Variants in CLDN1 observed in about 807,000 individuals in gnomAD.
The protein encoded by CLDN1 is claudin-1.
Under a neutral mutation model 22.6 loss-of-function variants are expected in CLDN1, and 12 were observed. That is an observed-to-expected ratio of 0.53 (90% CI 0.34 to 0.86). The LOEUF is 0.86. Among genes scored for constraint, CLDN1 ranks in the 40% least tolerant of loss-of-function variants. The pLI is 0.02. For synonymous variants in CLDN1, 99 were observed against 103.8 expected (o/e 0.95, Z 0.28); for missense variants, 250 against 269.5 (o/e 0.93, Z 0.51).
Position 190,306,656 on chromosome 3 carries a change from C to T in CLDN1, c.*1621G>A, listed in dbSNP as rs1040778139. 1 of 152,698 alleles carries T rather than the reference C, an allele frequency of 6.5e-6. No individual in the cohort carries two copies. The highest frequency in any genetic ancestry group is 2.4e-5 in the African/African-American group (1 of 41,442). The allele number at this position is 152,698 out of a possible 1,614,324, so 9.5% of individuals were successfully genotyped here. On this transcript the variant is annotated 3_prime_UTR_variant, in exon 4 of 4. Transcript: ENST00000295522. ...ATAGCACCAAGACTCAAATCCAGGT[C>T]TCCAGACACCAATGCCAACACCCTT...
intron 1 of CLDN1, among the ~76,000 whole-genome samples, chr3:190,316,765 T>G (rs1443911114): frequency 6.6e-6 from 1 of 152,196 alleles, no homozygotes; most frequent in African/African-American, 2.4e-5. Context: ...GAACATGTCT[T>G]TATCCTTTAA....
At position 190,318,321 on chromosome 3, in the gene CLDN1, C is replaced by T. The variant is rs188361465; in HGVS notation, c.223+3663G>A. Among the ~76,000 whole-genome samples the T allele has an allele frequency of 2.3e-3, 348 of 152,294 alleles. 1 individual carries two copies. The highest frequency in any genetic ancestry group is 3.1e-3 in the Non-Finnish European group (208 of 68,022). On this transcript the variant is annotated intron_variant, in intron 1 of 3. Coordinates refer to ENST00000295522, the MANE Select transcript of CLDN1 (RefSeq NM_021101.5). ...CTTCTATATTACCTCCATTATATTTCCTTAATCACTCCAATTAAGGAAACC... is the reference window on the plus strand; with the variant it reads ...CTTCTATATTACCTCCATTATATTTTCTTAATCACTCCAATTAAGGAAACC...
intron 1 of CLDN1, among the ~76,000 whole-genome samples, chr3:190,314,011 A>G (rs1577389593): frequency 6.6e-6 from 1 of 152,206 alleles, no homozygotes; most frequent in East Asian, 1.9e-4. Context: ...TCACTATATC[A>G]TTGACAGTGA....
At chr3:190,310,970 C>CA (rs980829878) in intron 2 of CLDN1, among the ~76,000 whole-genome samples, 1 of 151,972 alleles carries the variant, frequency 6.6e-6, no homozygotes, top group Non-Finnish European at 1.5e-5. Context: ...ATTTTTTTAT[C>CA]AAAAAAGTTA....
At chr3:190,317,807 T>C (rs1209518907) in intron 1 of CLDN1, among the ~76,000 whole-genome samples, 1 of 152,208 alleles carries the variant, frequency 6.6e-6, no homozygotes, top group African/African-American at 2.4e-5. Flanking sequence ...ACTGTATTCT[T>C]GATCGGTATT....
intron 1 of CLDN1, among the ~76,000 whole-genome samples, chr3:190,319,608 A>G (rs1442447850): frequency 1.3e-5 from 2 of 152,240 alleles, no homozygotes; most frequent in African/African-American, 4.8e-5. Flanking sequence ...AAAGCCCTGC[A>G]TCTGGCCGGG....
chr3:190,322,407 A>G lies in CLDN1; in HGVS notation c.-201T>C. 1 of 607,902 alleles carries G rather than the reference A, an allele frequency of 1.6e-6. No individual in the cohort carries two copies. 37.7% of individuals were successfully genotyped at this position (607,902 alleles called of 1,614,324 possible). ...CCCGGGGCGGCGCTGGAGTCTGGAT[A>G]CTAGAAGCTGCGGTTGCTCCCAGGC... On this transcript the variant is annotated 5_prime_UTR_variant, in exon 1 of 4. Transcript: ENST00000295522.
chr3:190,314,580 T>C (rs1716715075), intron 1 of CLDN1, among the ~76,000 whole-genome samples: 1 of 150,042 alleles, frequency 6.7e-6, no homozygotes, highest in Non-Finnish European at 1.5e-5. Context: ...TTTTTTTTGG[T>C]ATTTAGTAGA....
At chr3:190,313,987 C>T (rs1159600490) in intron 1 of CLDN1, among the ~76,000 whole-genome samples, 2 of 152,082 alleles carry the variant, frequency 1.3e-5, no homozygotes, top group East Asian at 1.9e-4. Context: ...TTTATGTCCT[C>T]CTTTAATTAA....
chr3:190,314,661 C>T (rs1193268395), intron 1 of CLDN1, among the ~76,000 whole-genome samples: 1 of 152,040 alleles, frequency 6.6e-6, no homozygotes, highest in African/African-American at 2.4e-5. Flanking sequence ...ACCTCGGCCT[C>T]CCAAAGTTCT....
chr3:190,308,182 C>T lies in CLDN1; in HGVS notation c.*95G>A, dbSNP rs1577386527. 1.4e-6 allele frequency: 2 copies of T among 1,455,742 alleles called. No individual in the cohort carries two copies. The highest frequency in any genetic ancestry group is 4.6e-5 in the East Asian group (2 of 43,930). The allele number at this position is 1,455,742 out of a possible 1,614,324, so 90.2% of individuals were successfully genotyped here. On this transcript the variant is annotated 3_prime_UTR_variant, in exon 4 of 4. Transcript: ENST00000295522. ...TTTTGTAATACCATACTTCAGATTA[C>T]AATACCCAAAATTCTAAGGTCCTAA...
chr3:190,310,875 A>T (rs1181453938), intron 2 of CLDN1, among the ~76,000 whole-genome samples: 2 of 152,204 alleles, frequency 1.3e-5, no homozygotes, highest in Non-Finnish European at 2.9e-5. Context: ...TCAATTTCCC[A>T]TGGCATTTTA....
At position 190,322,025 on chromosome 3, in the gene CLDN1, T is replaced by C. The variant is rs1426719430; in HGVS notation, c.182A>G (p.Gln61Arg). The change falls in exon 1 of 4, where the codon CAG becomes CGG. Residue 61 changes from glutamine to arginine, a missense_variant. Coordinates refer to ENST00000295522, the MANE Select transcript of CLDN1 (RefSeq NM_021101.5). ...GGAGTCAAAGACTTTGCACTGGATC[T>C]GCCCGGTGCTCTGCGACACGCAGGA... ...WMSCVSQSTG[Q>R]IQCKVFDSLL... 5 of 1,614,236 alleles carry C rather than the reference T, an allele frequency of 3.1e-6. No individual in the cohort carries two copies. The highest frequency in any genetic ancestry group is 4.2e-6 in the Non-Finnish European group (5 of 1,180,040).
At chr3:190,320,202 C>A (rs1716882238) in intron 1 of CLDN1, among the ~76,000 whole-genome samples, 1 of 152,134 alleles carries the variant, frequency 6.6e-6, no homozygotes, top group African/African-American at 2.4e-5. Flanking sequence ...GTATTTACAA[C>A]ATAGATCAAT....
At chr3:190,320,655 T>C (rs965055022) in intron 1 of CLDN1, among the ~76,000 whole-genome samples, 2 of 152,190 alleles carry the variant, frequency 1.3e-5, no homozygotes, top group Non-Finnish European at 2.9e-5. Context: ...CTCTAAACTA[T>C]ATGGCTTTTG....
At chr3:190,314,520 G>T (rs1248154948) in intron 1 of CLDN1, among the ~76,000 whole-genome samples, 2 of 151,698 alleles carry the variant, frequency 1.3e-5, no homozygotes, top group African/African-American at 4.8e-5. Flanking sequence ...ACAGCCTCCT[G>T]AGTAGCTGGG....
Position 190,308,207 on chromosome 3 carries a change from A to G in CLDN1, c.*70T>C, listed in dbSNP as rs1716510647. 1 of 1,561,108 alleles carries G rather than the reference A, an allele frequency of 6.4e-7. No homozygotes were observed. Among genetic ancestry groups the G allele is most frequent in the Admixed American group, 1.7e-5 (1 of 59,880 alleles). The stretch of plus-strand genomic sequence containing the variant: ...CAATACCCAAAATTCTAAGGTCCTA[A>G]TGTTAATGATAGTATCTCAATGTCC... On this transcript the variant is annotated 3_prime_UTR_variant, in exon 4 of 4. Transcript: ENST00000295522.
chr3:190,311,442 T>C (rs1052468105), intron 2 of CLDN1, among the ~76,000 whole-genome samples: 1 of 152,136 alleles, frequency 6.6e-6, no homozygotes, highest in African/African-American at 2.4e-5. Flanking sequence ...ACCACATCTT[T>C]AGCAAAGCCA....
At chr3:190,310,079 C>G in intron 3 of CLDN1, 90 bp downstream of exon 3, 3 of 1,038,178 alleles carry the variant, frequency 2.9e-6, no homozygotes, top group Non-Finnish European at 4.5e-6. Flanking sequence ...GAAAGCAAAT[C>G]TGGGAAATGA....
Sources: allele counts gnomAD v4.1 joint callset (sites outside exome capture counted in the v4.1 genomes callset), GRCh38; gene constraint gnomAD v4.1.1; transcripts MANE v1.5; gene names NCBI Gene and HGNC (gene_info 2026-07-23, HGNC 2026-07-21).